HRH1: variants seen among roughly 807,000 people sequenced by gnomAD.
HRH1 encodes the protein histamine H1 receptor.
A neutral mutation model predicts 10.3 loss-of-function variants in HRH1; 6 were observed. The ratio of observed to expected loss-of-function variants is 0.58; its 90% CI spans 0.32 to 1.15. HRH1 has a LOEUF of 1.15. HRH1 is among the 50% of genes most tolerant of loss of function. HRH1 has a pLI of 0.05. For missense variants in HRH1, 514 were observed against 615.3 expected (o/e 0.84, Z 1.74); for synonymous variants, 242 against 236.7 (o/e 1.02, Z -0.21).
At chr3:11,247,120 C>A (rs1374758489) in intron 1 of HRH1, among the ~76,000 whole-genome samples, 7 of 152,038 alleles carry the variant, frequency 4.6e-5, no homozygotes, top group African/African-American at 1.7e-4. Flanking sequence ...GTCAGGAGTT[C>A]GAGACCAGCC....
At chr3:11,168,457 G>A (rs770234346) in intron 1 of HRH1, among the ~76,000 whole-genome samples, 29 of 152,260 alleles carry the variant, frequency 1.9e-4, no homozygotes, top group Non-Finnish European at 3.7e-4. Flanking sequence ...GCCTAGGCCA[G>A]GGTACAATGT....
At chr3:11,186,421 T>A (rs958223518) in intron 1 of HRH1, among the ~76,000 whole-genome samples, 2 of 152,206 alleles carry the variant, frequency 1.3e-5, no homozygotes, top group Admixed American at 1.3e-4. Context: ...GATGAGTGGA[T>A]CCTTGCAGCA....
At chr3:11,143,796 G>C (rs895822663) in intron 1 of HRH1, among the ~76,000 whole-genome samples, 2 of 152,034 alleles carry the variant, frequency 1.3e-5, no homozygotes, top group African/African-American at 2.4e-5. Flanking sequence ...TGCCTCCAAG[G>C]GTTTGCTCGT....
chr3:11,148,440 TA>T (rs779422237), intron 1 of HRH1, among the ~76,000 whole-genome samples: 10 of 151,264 alleles, frequency 6.6e-5, no homozygotes, highest in Non-Finnish European at 8.9e-5. Flanking sequence ...CTTTATCATG[TA>T]AAAAAAAAGT....
At chr3:11,244,839 G>A (rs1380867098) in intron 1 of HRH1, among the ~76,000 whole-genome samples, 2 of 152,196 alleles carry the variant, frequency 1.3e-5, no homozygotes, top group African/African-American at 4.8e-5. Flanking sequence ...GTAGTTCAGG[G>A]TGCATGTTCT....
intron 1 of HRH1, among the ~76,000 whole-genome samples, chr3:11,169,682 A>G (rs1191235022): frequency 6.6e-6 from 1 of 152,118 alleles, no homozygotes; most frequent in East Asian, 1.9e-4. Flanking sequence ...TGCACTCTTC[A>G]AGAGGCAATA....
At chr3:11,232,426 G>A (rs537528101) in intron 1 of HRH1, among the ~76,000 whole-genome samples, 36 of 150,192 alleles carry the variant, frequency 2.4e-4, no homozygotes, top group African/African-American at 8.0e-4. Context: ...AATCACCTGA[G>A]AATATTTGTG....
At chr3:11,155,066 G>A (rs1936754148) in intron 1 of HRH1, among the ~76,000 whole-genome samples, 1 of 152,200 alleles carries the variant, frequency 6.6e-6, no homozygotes, top group South Asian at 2.1e-4. Flanking sequence ...GCATCAGCTG[G>A]TTAAGGGGAG....
At position 11,262,898 on chromosome 3, in the gene HRH1, A is replaced by G. The variant is rs1439963268; in HGVS notation, c.*2397A>G. The G allele has an allele frequency of 6.0e-6, 1 of 167,116 alleles. No individual in the cohort carries two copies. Among genetic ancestry groups the G allele is most frequent in the Non-Finnish European group, 1.5e-5 (1 of 68,132 alleles). The allele number at this position is 167,116 out of a possible 1,614,324, so 10.4% of individuals were successfully genotyped here. ...GAGGGCACTCCTATGCATTTTTAAA[A>G]CATGCTGAGCACATACCATGTGCCA... On this transcript the variant is annotated 3_prime_UTR_variant, in exon 2 of 2. Transcript: ENST00000431010.
chr3:11,145,435 G>A (rs750336846), intron 1 of HRH1, among the ~76,000 whole-genome samples: 8 of 152,100 alleles, frequency 5.3e-5, no homozygotes, highest in Non-Finnish European at 1.0e-4. Flanking sequence ...CCCTCCTTGA[G>A]TGTCTCTCTG....
chr3:11,255,090 G>A (rs1575046105), intron 1 of HRH1, among the ~76,000 whole-genome samples: 1 of 152,166 alleles, frequency 6.6e-6, no homozygotes, highest in Non-Finnish European at 1.5e-5. Flanking sequence ...AGGTAGCTAG[G>A]AGACAAGGAT....
rs549224706 is a variant in HRH1, at chr3:11,139,621, C to A, written c.-36+2222C>A. ...TGGATATAACCCATATGTCCATCAA[C>A]TCATGAAGGGATACACAAATTGTGG... On this transcript the variant is annotated intron_variant, in intron 1 of 1. Coordinates refer to the HRH1 transcript ENST00000438284. Among the ~76,000 whole-genome samples the A allele has an allele frequency of 2.0e-5, 3 of 152,148 alleles. No individual in the cohort carries two copies. In the East Asian group the frequency reaches 5.8e-4, roughly 29 times the overall value.
intron 1 of HRH1, among the ~76,000 whole-genome samples, chr3:11,209,708 T>G (rs1011524623): frequency 6.6e-6 from 1 of 152,252 alleles, no homozygotes; most frequent in African/African-American, 2.4e-5. Context: ...TCTTCTCGCT[T>G]GCAGGTGGCT....
rs551677015 is a variant in HRH1 at position 11,193,113 on chromosome 3, TCAA to T, written c.-36+38565_-36+38567del. 1.2e-4 allele frequency among the ~76,000 whole-genome samples: 18 copies of T among 152,344 alleles called. 1 individual carries two copies. In the South Asian group the frequency reaches 3.7e-3, roughly 32 times the overall value. ...TCATCATATATTATAAGCCAGAACA[TCAA>T]CAACATCTAAATATAAGCATGGTTG... On this transcript the variant is annotated intron_variant, in intron 1 of 1. Coordinates refer to ENST00000431010, the MANE Select transcript of HRH1 (RefSeq NM_001098212.2).
chr3:11,205,269 A>G (rs1183394534), intron 1 of HRH1, among the ~76,000 whole-genome samples: 4 of 152,226 alleles, frequency 2.6e-5, no homozygotes. Context: ...AACTGCTTGC[A>G]TCATGTGATC....
chr3:11,178,042 T>G (rs577418442), intron 1 of HRH1, among the ~76,000 whole-genome samples: 12 of 152,324 alleles, frequency 7.9e-5, no homozygotes, highest in African/African-American at 2.9e-4. Flanking sequence ...AAACCAGAGC[T>G]TCCAGCAGCA....
rs76814779 is a variant in HRH1 at position 11,230,797 on chromosome 3, T to C, written c.-35-28206T>C. Among the ~76,000 whole-genome samples the C allele has an allele frequency of 5.8e-3, 884 of 152,310 alleles. 8 individuals carry two copies. Among genetic ancestry groups the C allele is most frequent in the African/African-American group, 0.02 (838 of 41,534 alleles). On this transcript the variant is annotated intron_variant, in intron 1 of 1. Transcript: ENST00000431010. Reference sequence around the variant, plus strand: ...TGCGGCCAAGGTATCAATATGAGTTTTTTTTTACATTAAGCCTTTTAGGAA... The same window carrying C: ...TGCGGCCAAGGTATCAATATGAGTTCTTTTTTACATTAAGCCTTTTAGGAA...
intron 1 of HRH1, among the ~76,000 whole-genome samples, chr3:11,200,153 A>G (rs1385046136): frequency 6.6e-6 from 1 of 152,170 alleles, no homozygotes; most frequent in Non-Finnish European, 1.5e-5. Flanking sequence ...CCAGGAGGCA[A>G]TCTGGTTTGA....
chr3:11,151,089 C>T (rs543467709), upstream of HRH1, among the ~76,000 whole-genome samples: 1 of 152,338 alleles, frequency 6.6e-6, no homozygotes, highest in East Asian at 1.9e-4. Context: ...ACTTCAGATA[C>T]AGGCATGTGA....
Sources: gnomAD v4.1 joint callset for allele counts (sites outside exome capture counted in the v4.1 genomes callset) on GRCh38, gnomAD v4.1.1 for gene constraint, MANE v1.5 for transcripts, NCBI Gene and HGNC (gene_info 2026-07-23, HGNC 2026-07-21) for gene names.